USP8: variants seen among roughly 807,000 people sequenced by gnomAD.
The protein encoded by USP8 is ubiquitin specific peptidase 8, also known as ubiquitin carboxyl-terminal hydrolase 8.
USP8 carries 27 observed loss-of-function variants against 130.0 expected under a neutral mutation model. That is an observed-to-expected ratio of 0.21 (90% CI 0.15 to 0.29). The LOEUF (loss-of-function observed/expected upper bound fraction) is 0.29, where lower values mean the gene tolerates loss of function less well. Ranked by LOEUF, USP8 falls within the 10% of genes least tolerant of loss-of-function variation. USP8 has a pLI of 1.00. For missense variants in USP8, 1,029 were observed against 1,312.2 expected (o/e 0.78, Z 3.33); for synonymous variants, 392 against 444.1 (o/e 0.88, Z 1.48).
intron 10 of USP8, among the ~76,000 whole-genome samples, chr15:50,479,679 G>C (rs1438719534): frequency 6.6e-6 from 1 of 151,718 alleles, no homozygotes; most frequent in Non-Finnish European, 1.5e-5. Flanking sequence ...CAAAAAAAAA[G>C]ACAAAGGATT....
At chr15:50,439,790 C>CAATGAT (rs1555526863) in intron 2 of USP8, among the ~76,000 whole-genome samples, 1 of 133,588 alleles carries the variant, frequency 7.5e-6, no homozygotes. Flanking sequence ...AACTCTGTCT[C>CAATGAT]AATAATAATA....
intron 8 of USP8, among the ~76,000 whole-genome samples, chr15:50,472,685 C>T (rs2051422135): frequency 6.6e-6 from 1 of 151,766 alleles, no homozygotes; most frequent in Admixed American, 6.6e-5. Context: ...CTGAGGCGGG[C>T]AGATCACCTG....
chr15:50,509,489 T>C lies in USP8; in HGVS notation c.*10401T>C, dbSNP rs1035307712. 2.6e-5 allele frequency: 4 copies of C among 151,694 alleles called. No individual in the cohort carries two copies. The highest frequency in any genetic ancestry group is 4.4e-5 in the Non-Finnish European group (3 of 68,016). 9.4% of individuals were successfully genotyped at this position (151,694 alleles called of 1,614,324 possible). A position where few individuals can be genotyped will look rare whatever the true frequency, so the allele number is the denominator to read the frequency against. On this transcript the variant is annotated 3_prime_UTR_variant, in exon 20 of 20. Coordinates refer to ENST00000307179, the MANE Select transcript of USP8 (RefSeq NM_005154.5). ...GGTGAAACACCGTCTCTACTAAAAATACAAAAAATTAGCCGGGCATGGTGG... is the reference window on the plus strand; with the variant it reads ...GGTGAAACACCGTCTCTACTAAAAACACAAAAAATTAGCCGGGCATGGTGG...
At chr15:50,468,082 C>T (rs1156388508) in intron 7 of USP8, among the ~76,000 whole-genome samples, 4 of 151,738 alleles carry the variant, frequency 2.6e-5, no homozygotes, top group South Asian at 2.1e-4. Context: ...ATTACAGGCA[C>T]GTGTCACCTT....
chr15:50,430,012 G>T (rs1212676144), intron 1 of USP8, among the ~76,000 whole-genome samples: 1 of 152,114 alleles, frequency 6.6e-6, no homozygotes, highest in African/African-American at 2.4e-5. Context: ...ACAGACATTG[G>T]CCTGGTTTGC....
At chr15:50,460,272 A>T (rs2050944456) in intron 5 of USP8, among the ~76,000 whole-genome samples, 1 of 142,502 alleles carries the variant, frequency 7.0e-6, no homozygotes, top group South Asian at 2.2e-4. Context: ...TGCTGGGATT[A>T]CAGGCATGAG....
Position 50,481,930 on chromosome 15 carries a change from A to T in USP8, c.1668A>T (p.Lys556Asn). 6.2e-7 allele frequency: 1 copy of T among 1,608,528 alleles called. No homozygotes were observed. Among genetic ancestry groups the T allele is most frequent in the Non-Finnish European group, 8.5e-7 (1 of 1,178,644 alleles). ...TAACAGGAGTAAAAAGACAAAGTAA[A>T]AGTGAACATGAAACTTCTGATGCCA... ...KEITGVKRQS[K>N]SEHETSDAKK... The change falls in exon 11 of 20, where the codon AAA (lysine) becomes AAT (asparagine). Residue 556 changes from lysine to asparagine, a missense_variant. Lys to Asn is a moderately conservative substitution (Grantham distance 94, BLOSUM62 0). Transcript: ENST00000307179.
At chr15:50,458,347 C>T (rs751828158) in intron 4 of USP8, among the ~76,000 whole-genome samples, 3 of 152,186 alleles carry the variant, frequency 2.0e-5, no homozygotes, top group Non-Finnish European at 4.4e-5. Context: ...GATGGGATTT[C>T]ACCATGTTGG....
chr15:50,461,079 A>G (rs2050982521), intron 5 of USP8, among the ~76,000 whole-genome samples: 1 of 151,492 alleles, frequency 6.6e-6, no homozygotes, highest in African/African-American at 2.4e-5. Flanking sequence ...TGCAACCTCC[A>G]CCTCCCAGGT....
At chr15:50,466,962 A>G (rs11637104) in intron 7 of USP8, 73,670 of 465,448 alleles carry the variant, frequency 0.16, 7,317 homozygotes, top group Admixed American at 0.3. Flanking sequence ...TGACGGTTCT[A>G]AGACATGGGA....
At chr15:50,451,875 T>C (rs1222530868) in intron 4 of USP8, among the ~76,000 whole-genome samples, 1 of 152,212 alleles carries the variant, frequency 6.6e-6, no homozygotes, top group Non-Finnish European at 1.5e-5. Flanking sequence ...CTCTCTAGGT[T>C]TGGAGAATAG....
intron 13 of USP8, 25 bp downstream of exon 13, chr15:50,489,906 A>G: frequency 6.6e-7 from 1 of 1,522,250 alleles, no homozygotes; most frequent in Non-Finnish European, 8.9e-7. Flanking sequence ...TAGCAGTAAA[A>G]TAGCCACTGT....
At chr15:50,462,390 C>A in intron 6 of USP8, 68 bp downstream of exon 6, 1 of 1,392,506 alleles carries the variant, frequency 7.2e-7, no homozygotes, top group Admixed American at 2.4e-5. Context: ...GAATAAGCAT[C>A]AGGTTTTATA....
intron 1 of USP8, chr15:50,427,045 C>T (rs991679571): frequency 1.3e-5 from 2 of 151,704 alleles, no homozygotes; most frequent in Non-Finnish European, 2.9e-5. Flanking sequence ...CCTCTGCCTC[C>T]TGGGTTCACG....
chr15:50,425,034 G>A (rs919047759), intron 1 of USP8, among the ~76,000 whole-genome samples: 5 of 151,690 alleles, frequency 3.3e-5, no homozygotes, highest in African/African-American at 1.2e-4. Context: ...CCATCCTAGA[G>A]TTGTGGGACA....
chr15:50,469,586 A>C (rs777053667), intron 7 of USP8, among the ~76,000 whole-genome samples: 70 of 152,112 alleles, frequency 4.6e-4, no homozygotes, highest in Admixed American at 1.1e-3. Context: ...TATTTCTTCT[A>C]CTTCTTTACT....
rs1341868190 is a variant in USP8 at position 50,478,163 on chromosome 15, A to C, written c.1218+664A>C. Among the ~76,000 whole-genome samples, 5 of 152,304 alleles carry C rather than the reference A, an allele frequency of 3.3e-5. No individual in the cohort carries two copies. In the East Asian group the frequency reaches 9.6e-4, roughly 29 times the overall value. On this transcript the variant is annotated intron_variant, in intron 10 of 19. Coordinates refer to ENST00000307179, the MANE Select transcript of USP8 (RefSeq NM_005154.5). ...TTTTCATAAATAGCTTGGCTTACATATGATAGGTATGTGATGTCAGTATTT... is the reference window on the plus strand; with the variant it reads ...TTTTCATAAATAGCTTGGCTTACATCTGATAGGTATGTGATGTCAGTATTT...
intron 14 of USP8, 56 bp downstream of exon 14, chr15:50,490,581 A>G: frequency 6.4e-7 from 1 of 1,571,446 alleles, no homozygotes; most frequent in Non-Finnish European, 8.6e-7. Flanking sequence ...CAAAGTTTCT[A>G]CTCTGAATCT....
intron 4 of USP8, among the ~76,000 whole-genome samples, chr15:50,451,254 A>G (rs1394346728): frequency 6.6e-6 from 1 of 152,128 alleles, no homozygotes; most frequent in Admixed American, 6.5e-5. Context: ...CTGAAAATGC[A>G]AAAAAAGTTA....
Sources: allele counts gnomAD v4.1 joint callset (sites outside exome capture counted in the v4.1 genomes callset), GRCh38; gene constraint gnomAD v4.1.1; transcripts MANE v1.5; gene names NCBI Gene and HGNC (gene_info 2026-07-23, HGNC 2026-07-21).